The following SMOC2 variants were observed in gnomAD, a reference collection of about 807,000 sequenced individuals.
SMOC2 encodes SPARC related modular calcium binding 2, also known as SPARC-related modular calcium-binding protein 2.
A neutral mutation model predicts 61.4 loss-of-function variants in SMOC2; 39 were observed. That is an observed-to-expected ratio of 0.64 (90% confidence interval 0.49 to 0.83). SMOC2 has a LOEUF of 0.83. Among genes scored for constraint, SMOC2 ranks in the 40% least tolerant of loss-of-function variants. The pLI is 0.00. For missense variants in SMOC2, 556 were observed against 592.9 expected (o/e 0.94, Z 0.65); for synonymous variants, 247 against 239.9 (o/e 1.03, Z -0.27).
At chr6:168,604,497 C>A (rs778636065) in intron 8 of SMOC2, among the ~76,000 whole-genome samples, 2 of 152,070 alleles carry the variant, frequency 1.3e-5, no homozygotes, top group Non-Finnish European at 2.9e-5. Context: ...GTAACCAGGT[C>A]GCATTTCTAT....
intron 7 of SMOC2, among the ~76,000 whole-genome samples, chr6:168,568,374 A>G (rs1784592601): frequency 6.6e-6 from 1 of 152,254 alleles, no homozygotes; most frequent in Non-Finnish European, 1.5e-5. Context: ...AGGTACCTCC[A>G]GAGCACCCAC....
chr6:168,533,789 G>A (rs1183244449), intron 4 of SMOC2, among the ~76,000 whole-genome samples: 1 of 152,170 alleles, frequency 6.6e-6, no homozygotes, highest in Non-Finnish European at 1.5e-5. Context: ...AAAGAAATGT[G>A]AAAGAAATTT....
intron 7 of SMOC2, among the ~76,000 whole-genome samples, chr6:168,595,265 G>A (rs1785295697): frequency 6.6e-6 from 1 of 151,712 alleles, no homozygotes; most frequent in African/African-American, 2.4e-5. Flanking sequence ...CTTTCTAGAG[G>A]ATCGCCGAGC....
intron 1 of SMOC2, among the ~76,000 whole-genome samples, chr6:168,447,926 C>T (rs898638860): frequency 2.0e-5 from 3 of 151,824 alleles, no homozygotes; most frequent in Non-Finnish European, 2.9e-5. Context: ...TCAGTGAAGG[C>T]GCTAGAATCA....
intron 7 of SMOC2, among the ~76,000 whole-genome samples, chr6:168,573,333 T>C (rs1392676430): frequency 2.2e-5 from 2 of 89,698 alleles, no homozygotes; most frequent in Admixed American, 1.0e-4. Flanking sequence ...TGCGTGCTCC[T>C]TGGACGCGAT....
chr6:168,534,813 T>G (rs767671799), intron 4 of SMOC2, among the ~76,000 whole-genome samples: 1 of 152,180 alleles, frequency 6.6e-6, no homozygotes. Flanking sequence ...GGCCCTTTGT[T>G]GCACCTCATC....
At chr6:168,516,781 T>C (rs1783146080) in intron 2 of SMOC2, among the ~76,000 whole-genome samples, 1 of 152,142 alleles carries the variant, frequency 6.6e-6, no homozygotes, top group Non-Finnish European at 1.5e-5. Flanking sequence ...ACCTCGTCTC[T>C]ACTAAAAATA....
intron 9 of SMOC2, among the ~76,000 whole-genome samples, chr6:168,612,009 C>T (rs573544110): frequency 2.6e-5 from 4 of 152,156 alleles, no homozygotes; most frequent in Non-Finnish European, 4.4e-5. Flanking sequence ...TCCCGGCATC[C>T]GCGAGGTGGA....
At chr6:168,658,294 G>A (rs1787378156) in intron 11 of SMOC2, among the ~76,000 whole-genome samples, 1 of 152,240 alleles carries the variant, frequency 6.6e-6, no homozygotes, top group South Asian at 2.1e-4. Flanking sequence ...GGCTTCCTGT[G>A]TGGCTCCTCC....
intron 11 of SMOC2, chr6:168,655,607 C>T (rs1218020299): frequency 5.8e-6 from 2 of 345,060 alleles, no homozygotes; most frequent in Admixed American, 3.6e-5. Context: ...TGCCAGATCC[C>T]CCTGCACATG....
rs147526281 is a variant in SMOC2, at chr6:168,527,725, C to T, written c.461C>T (p.Pro154Leu). Residue 154 changes from proline (P) to leucine (L), a missense_variant and splice_region_variant, in exon 4 of 13, where the codon CCG (proline) becomes CTG (leucine). Pro to Leu is a moderately conservative substitution (Grantham distance 98). Transcript: ENST00000356284. ...TAVAHKTPRC[P>L]GSVNEKLPQR... ...GTGGCCCACAAGACGCCCCGGTGCC[C>T]GGGTAGGTCTGACGTGCCTTTCCAA... 52 of 1,549,654 alleles carry T rather than the reference C, an allele frequency of 3.4e-5. No individual in the cohort carries two copies. The highest frequency in any genetic ancestry group is 3.3e-4 in the Middle Eastern group (2 of 5,980).
rs375384503 is a variant in SMOC2, at chr6:168,526,394, G to A, written c.305G>A (p.Arg102Gln). Residue 102 changes from arginine (R) to glutamine (Q), a missense_variant, in exon 3 of 13, where the codon CGG becomes CAG. Physicochemically the swap from Arg to Gln is conservative, Grantham distance 43. Transcript: ENST00000356284. ...AGGAAGTATACCCAGGAGCAAGCCCGGAAGGAGTTTCAGCAAGTGTTCATT... is the reference window on the plus strand; with the variant it reads ...AGGAAGTATACCCAGGAGCAAGCCCAGAAGGAGTTTCAGCAAGTGTTCATT... ...AERKYTQEQA[R>Q]KEFQQVFIPE... 2.6e-5 allele frequency: 42 copies of A among 1,613,952 alleles called. No individual in the cohort carries two copies. The highest frequency in any genetic ancestry group is 2.5e-5 in the Non-Finnish European group (30 of 1,179,954).
chr6:168,606,467 C>G (rs1240723675), intron 8 of SMOC2, among the ~76,000 whole-genome samples: 1 of 152,150 alleles, frequency 6.6e-6, no homozygotes, highest in Admixed American at 6.5e-5. Context: ...ATGTGTGGTT[C>G]CTGACTCTTA....
At chr6:168,507,128 G>T (rs1225086833) in intron 1 of SMOC2, among the ~76,000 whole-genome samples, 1 of 152,036 alleles carries the variant, frequency 6.6e-6, no homozygotes, top group Non-Finnish European at 1.5e-5. Context: ...TTTTATTTGA[G>T]AAAAAATGTC....
chr6:168,546,926 G>A (rs1209956020), intron 5 of SMOC2, among the ~76,000 whole-genome samples, 193 bp from the exon 6 acceptor site: 1 of 152,118 alleles, frequency 6.6e-6, no homozygotes, highest in East Asian at 1.9e-4. Context: ...TTTAAGTAGC[G>A]GCTCACTCAA....
chr6:168,648,316 C>T (rs1263102542), intron 9 of SMOC2, among the ~76,000 whole-genome samples: 1 of 152,268 alleles, frequency 6.6e-6, no homozygotes, highest in Non-Finnish European at 1.5e-5. Context: ...TGCCCCGGCG[C>T]CTGTCTCGTC....
chr6:168,618,783 C>A (rs1418576216), intron 9 of SMOC2, among the ~76,000 whole-genome samples: 1 of 152,068 alleles, frequency 6.6e-6, no homozygotes, highest in East Asian at 1.9e-4. Flanking sequence ...AAGGTGACAT[C>A]GTCTCCTGCA....
intron 1 of SMOC2, among the ~76,000 whole-genome samples, chr6:168,497,982 G>A (rs940219190): frequency 7.2e-5 from 11 of 152,122 alleles, no homozygotes; most frequent in African/African-American, 1.7e-4. Flanking sequence ...CCATTTTGTC[G>A]TACTTTTAAC....
At chr6:168,523,875 A>G (rs1329162241) in intron 2 of SMOC2, among the ~76,000 whole-genome samples, 2 of 152,322 alleles carry the variant, frequency 1.3e-5, no homozygotes, top group Middle Eastern at 3.4e-3. Flanking sequence ...AAGGAGAGAC[A>G]TTTATCATCA....
Sources: gnomAD v4.1 joint callset for allele counts (sites outside exome capture counted in the v4.1 genomes callset) on GRCh38, gnomAD v4.1.1 for gene constraint, MANE v1.5 for transcripts, NCBI Gene and HGNC (gene_info 2026-07-23, HGNC 2026-07-21) for gene names.